The following ATP8B4 variants were observed in gnomAD, a reference collection of about 807,000 sequenced individuals.
The protein encoded by ATP8B4 is ATPase phospholipid transporting 8B4 (putative).
ATP8B4 carries 133 observed loss-of-function variants against 145.6 expected under a neutral mutation model. The observed-to-expected ratio is 0.91, with a 90% confidence interval of 0.79 to 1.05. The LOEUF (loss-of-function observed/expected upper bound fraction) is 1.05. Among genes scored for constraint, ATP8B4 ranks in the 50% least tolerant of loss-of-function variants. The pLI is 0.00. For missense variants in ATP8B4, 1,458 were observed against 1,425.2 expected (o/e 1.02, Z -0.37); for synonymous variants, 507 against 492.9 (o/e 1.03, Z -0.38).
intron 25 of ATP8B4, among the ~76,000 whole-genome samples, chr15:49,873,079 A>C (rs916489895): frequency 6.6e-6 from 1 of 152,234 alleles, no homozygotes; most frequent in Non-Finnish European, 1.5e-5. Flanking sequence ...AGATGTATTC[A>C]TTATTTCCCA....
At chr15:50,029,840 T>C (rs1377773229) in intron 6 of ATP8B4, among the ~76,000 whole-genome samples, 1 of 152,206 alleles carries the variant, frequency 6.6e-6, no homozygotes, top group Non-Finnish European at 1.5e-5. Flanking sequence ...TTGTTTGTAC[T>C]CTTCCAAGTT....
At chr15:50,153,559 G>T (rs549496750) in intron 1 of ATP8B4, among the ~76,000 whole-genome samples, 5 of 152,038 alleles carry the variant, frequency 3.3e-5, no homozygotes, top group African/African-American at 1.2e-4. Context: ...GGATAGTCTC[G>T]ATCTCCTGAC....
chr15:50,055,032 C>T (rs1244632662), intron 3 of ATP8B4, among the ~76,000 whole-genome samples: 1 of 152,112 alleles, frequency 6.6e-6, no homozygotes, highest in African/African-American at 2.4e-5. Flanking sequence ...AATTCAGACA[C>T]TGGCACATAA....
intron 25 of ATP8B4, among the ~76,000 whole-genome samples, chr15:49,870,120 A>G (rs1034409339): frequency 5.3e-5 from 8 of 152,244 alleles, no homozygotes; most frequent in African/African-American, 1.9e-4. Context: ...GTTTATCAAT[A>G]GATGATAAAT....
intron 6 of ATP8B4, among the ~76,000 whole-genome samples, chr15:50,032,131 A>G (rs376521055): frequency 6.6e-6 from 1 of 152,232 alleles, no homozygotes; most frequent in East Asian, 1.9e-4. Flanking sequence ...CCCGTCATCT[A>G]GGTTTTAAAC....
At chr15:50,027,256 A>T (rs906137795) in intron 6 of ATP8B4, among the ~76,000 whole-genome samples, 2 of 152,156 alleles carry the variant, frequency 1.3e-5, no homozygotes, top group Non-Finnish European at 2.9e-5. Context: ...TTATTTGTCC[A>T]TCTCTTCCCC....
chr15:50,160,886 T>C (rs554246380), intron 1 of ATP8B4, among the ~76,000 whole-genome samples: 2 of 152,230 alleles, frequency 1.3e-5, no homozygotes, highest in South Asian at 4.1e-4. Flanking sequence ...GTCAAGTTCA[T>C]TTGGTTTATG....
At chr15:49,902,979 T>C (rs200818538) in intron 20 of ATP8B4, among the ~76,000 whole-genome samples, 4 of 152,296 alleles carry the variant, frequency 2.6e-5, no homozygotes, top group East Asian at 3.9e-4. Context: ...CATGAAAGTA[T>C]TGGCTGAAAT....
chr15:50,103,647 A>T (rs2056504547), intron 2 of ATP8B4, among the ~76,000 whole-genome samples: 1 of 152,152 alleles, frequency 6.6e-6, no homozygotes, highest in Non-Finnish European at 1.5e-5. Flanking sequence ...TGTAAAAATG[A>T]CTATACTGCC....
intron 13 of ATP8B4, among the ~76,000 whole-genome samples, chr15:49,967,778 A>G (rs911513515): frequency 2.3e-4 from 35 of 152,198 alleles, no homozygotes; most frequent in African/African-American, 8.2e-4. Context: ...AGAGAACACC[A>G]CAAAGATACT....
At chr15:49,872,345 A>T (rs933653550) in intron 25 of ATP8B4, among the ~76,000 whole-genome samples, 3 of 152,158 alleles carry the variant, frequency 2.0e-5, no homozygotes, top group Non-Finnish European at 4.4e-5. Context: ...ACATATAACC[A>T]CTAATTCTTT....
chr15:50,125,966 G>T (rs528559308), intron 1 of ATP8B4, among the ~76,000 whole-genome samples: 1 of 152,176 alleles, frequency 6.6e-6, no homozygotes, highest in East Asian at 1.9e-4. Flanking sequence ...TATTTTGCCT[G>T]GGATTCTTTC....
chr15:50,133,839 A>C (rs1042477011), intron 1 of ATP8B4, among the ~76,000 whole-genome samples: 1 of 152,148 alleles, frequency 6.6e-6, no homozygotes, highest in African/African-American at 2.4e-5. Flanking sequence ...TTCTCTCCAC[A>C]CACACAAAAT....
intron 6 of ATP8B4, among the ~76,000 whole-genome samples, chr15:50,025,626 A>C (rs1041213191): frequency 6.6e-6 from 1 of 152,084 alleles, no homozygotes; most frequent in African/African-American, 2.4e-5. Context: ...CCTCACCTCT[A>C]CCAACCCCCA....
At chr15:50,051,018 T>C (rs760407258) in intron 3 of ATP8B4, among the ~76,000 whole-genome samples, 2 of 152,292 alleles carry the variant, frequency 1.3e-5, no homozygotes, top group Non-Finnish European at 2.9e-5. Context: ...TTTTTAACAT[T>C]TGATATGGTT....
intron 6 of ATP8B4, among the ~76,000 whole-genome samples, chr15:50,036,781 G>A (rs375161548): frequency 1.3e-5 from 2 of 152,108 alleles, no homozygotes; most frequent in East Asian, 3.9e-4. Context: ...CAAGGTTGTG[G>A]ATAATCTCTC....
At chr15:49,946,049 G>A (rs928565152) in intron 14 of ATP8B4, among the ~76,000 whole-genome samples, 14 of 152,080 alleles carry the variant, frequency 9.2e-5, no homozygotes, top group Admixed American at 5.9e-4. Flanking sequence ...TGGAAAGGAA[G>A]AAATAAAAAT....
intron 9 of ATP8B4, among the ~76,000 whole-genome samples, chr15:49,989,482 A>T (rs1394223400): frequency 1.3e-5 from 2 of 152,128 alleles, no homozygotes; most frequent in Non-Finnish European, 2.9e-5. Flanking sequence ...TGCCAAAAGG[A>T]ATATAAAAAA....
intron 1 of ATP8B4, among the ~76,000 whole-genome samples, chr15:50,179,439 A>G (rs540767125): frequency 1.3e-5 from 2 of 152,200 alleles, no homozygotes; most frequent in Non-Finnish European, 2.9e-5. Flanking sequence ...ACAACTGTCT[A>G]TAGATGTCAT....
Sources: gnomAD v4.1 joint callset for allele counts (sites outside exome capture counted in the v4.1 genomes callset) on GRCh38, gnomAD v4.1.1 for gene constraint, MANE v1.5 for transcripts, NCBI Gene and HGNC (gene_info 2026-07-23, HGNC 2026-07-21) for gene names.